FAM117B: variants seen among roughly 807,000 people sequenced by gnomAD.
FAM117B encodes protein FAM117B.
In FAM117B, 22 loss-of-function variants were observed where a neutral mutation model predicts 52.8. That is an observed-to-expected ratio of 0.42 (90% CI 0.30 to 0.59). The LOEUF (loss-of-function observed/expected upper bound fraction) is 0.59. FAM117B is among the 20% of genes least tolerant of loss of function. The probability of loss-of-function intolerance (pLI) is 0.22; values close to 1 mark genes in which losing one functional copy is unlikely to be tolerated. For missense variants in FAM117B, 678 were observed against 802.6 expected, an observed-to-expected ratio of 0.84 and a Z score of 1.88; for synonymous variants, 309 against 324.1, an observed-to-expected ratio of 0.95 and a Z score of 0.50.
chr2:202,749,315 A>G (rs1030385399), intron 4 of FAM117B, among the ~76,000 whole-genome samples: 1 of 152,162 alleles, frequency 6.6e-6, no homozygotes, highest in Non-Finnish European at 1.5e-5. Flanking sequence ...TGAAAAATTG[A>G]AAACTATTTG....
chr2:202,751,171 C>T (rs996437217), intron 4 of FAM117B, among the ~76,000 whole-genome samples: 3 of 152,140 alleles, frequency 2.0e-5, no homozygotes, highest in African/African-American at 7.2e-5. Flanking sequence ...TACAATTCAC[C>T]TAAAAATTGC....
chr2:202,761,844 G>A (rs886785274), intron 7 of FAM117B, among the ~76,000 whole-genome samples: 2 of 151,724 alleles, frequency 1.3e-5, no homozygotes, highest in African/African-American at 4.8e-5. Flanking sequence ...ATGTTTTATG[G>A]CACATTGATC....
intron 1 of FAM117B, among the ~76,000 whole-genome samples, chr2:202,684,998 T>G (rs545151090): frequency 1.3e-5 from 2 of 152,216 alleles, no homozygotes; most frequent in South Asian, 4.2e-4. Context: ...AAATTTTTTT[T>G]TTTTGAGAGA....
At chr2:202,710,818 C>G (rs1191114756) in intron 2 of FAM117B, among the ~76,000 whole-genome samples, 1 of 152,150 alleles carries the variant, frequency 6.6e-6, no homozygotes, top group East Asian at 1.9e-4. Flanking sequence ...CAAAGTTTGT[C>G]TTTCTCTGAC....
chr2:202,649,366 C>A (rs1689921957), intron 1 of FAM117B, among the ~76,000 whole-genome samples: 1 of 152,110 alleles, frequency 6.6e-6, no homozygotes, highest in South Asian at 2.1e-4. Flanking sequence ...TGTGCTAGAG[C>A]ACTGCTGTCT....
chr2:202,761,339 C>T (rs1282647303), intron 7 of FAM117B, among the ~76,000 whole-genome samples: 3 of 152,086 alleles, frequency 2.0e-5, no homozygotes, highest in Non-Finnish European at 4.4e-5. Context: ...TCCTGTGGTA[C>T]CTGCCTTAGA....
In FAM117B at chr2:202,694,266, C is replaced by T. The variant is rs191483333; in HGVS notation, c.602-1615C>T. On this transcript the variant is annotated intron_variant, in intron 1 of 7. Coordinates refer to ENST00000392238, the MANE Select transcript of FAM117B (RefSeq NM_173511.4). ...AGTGCAGTGGTGCGATCTTGGCTCA[C>T]TGCAACCTCCAACTCTAGGATTCAA... Among the ~76,000 whole-genome samples, 223 of 146,268 alleles carry T rather than the reference C, an allele frequency of 1.5e-3. 1 individual carries two copies. The highest frequency in any genetic ancestry group is 3.1e-3 in the Admixed American group (45 of 14,530).
At chr2:202,719,115 A>G (rs886302536) in intron 2 of FAM117B, among the ~76,000 whole-genome samples, 5 of 152,258 alleles carry the variant, frequency 3.3e-5, no homozygotes, top group Non-Finnish European at 7.3e-5. Context: ...TAAGTGTCCT[A>G]CAATCAAAGC....
At chr2:202,670,932 C>G (rs1442283267) in intron 1 of FAM117B, among the ~76,000 whole-genome samples, 1 of 152,148 alleles carries the variant, frequency 6.6e-6, no homozygotes, top group Admixed American at 6.5e-5. Flanking sequence ...AGTTTAATTC[C>G]TTGTATTTAA....
rs1690239526 is a variant in FAM117B, at chr2:202,668,264, G to T, written c.602-27617G>T. ...TTATATATTTAGATACATATATAAA[G>T]ATATAAAAATATTTATATATTAAAT... On this transcript the variant is annotated intron_variant, in intron 1 of 7. Coordinates refer to ENST00000392238, the MANE Select transcript of FAM117B (RefSeq NM_173511.4). Among the ~76,000 whole-genome samples the T allele has an allele frequency of 6.9e-5, 10 of 144,604 alleles. No homozygotes were observed. The South Asian group carries it at 2.1e-3, about 31-fold the overall frequency. The allele number at this position is 144,604 out of a possible 152,430, so 94.9% of individuals were successfully genotyped here.
chr2:202,747,988 A>G (rs1309808190), intron 4 of FAM117B, among the ~76,000 whole-genome samples: 3 of 152,186 alleles, frequency 2.0e-5, no homozygotes, highest in Non-Finnish European at 4.4e-5. Flanking sequence ...ATGGAACCAC[A>G]AAAGTCCCCA....
intron 1 of FAM117B, among the ~76,000 whole-genome samples, chr2:202,637,314 G>A (rs774780401): frequency 6.6e-6 from 1 of 152,086 alleles, no homozygotes. Context: ...CTGGAGTGCA[G>A]TTATGTGATC....
Position 202,759,368 on chromosome 2 carries a change from C to T in FAM117B, c.1451+15C>T. On this transcript the variant is annotated intron_variant, in intron 7 of 7. Transcript: ENST00000392238. ...GAGGAATGCTCGTAAGTATCCCTTC[C>T]ACCATCCCCACAAAAAAACTATTAT... is the stretch of plus-strand genomic sequence containing the variant. 1.9e-6 allele frequency: 3 copies of T among 1,590,660 alleles called. No homozygotes were observed. Among genetic ancestry groups the T allele is most frequent in the East Asian group, 2.2e-5 (1 of 44,762 alleles).
intron 4 of FAM117B, among the ~76,000 whole-genome samples, chr2:202,743,395 C>T (rs1691579514): frequency 6.6e-6 from 1 of 152,014 alleles, no homozygotes; most frequent in African/African-American, 2.4e-5. Context: ...AGGAAAAAGG[C>T]TTTCCCTATG....
rs1420546272 is a variant in FAM117B at position 202,765,772 on chromosome 2, T to A, written c.*8T>A. The A allele has an allele frequency of 1.9e-6, 3 of 1,611,286 alleles. No homozygotes were observed. The highest frequency in any genetic ancestry group is 1.3e-5 in the African/African-American group (1 of 74,980). ...GAGGAAGCTGAAGGATAGGTCACAG[T>A]GCAACGTGGCTGTTGTTCTGGGAAA... On this transcript the variant is annotated 3_prime_UTR_variant, in exon 8 of 8. Coordinates refer to ENST00000392238, the MANE Select transcript of FAM117B (RefSeq NM_173511.4).
At chr2:202,750,957 G>T (rs1352565128) in intron 4 of FAM117B, among the ~76,000 whole-genome samples, 1 of 152,060 alleles carries the variant, frequency 6.6e-6, no homozygotes, top group African/African-American at 2.4e-5. Flanking sequence ...TGAAACTTTT[G>T]TTCCAGTAGG....
intron 1 of FAM117B, among the ~76,000 whole-genome samples, chr2:202,685,916 G>A (rs1690531931): frequency 6.6e-6 from 1 of 152,162 alleles, no homozygotes; most frequent in South Asian, 2.1e-4. Context: ...ATTAACAGAA[G>A]TAGTCGATAA....
chr2:202,743,288 G>T (rs1691577783), intron 4 of FAM117B, among the ~76,000 whole-genome samples: 1 of 152,138 alleles, frequency 6.6e-6, no homozygotes, highest in African/African-American at 2.4e-5. Context: ...CACCACTGTT[G>T]CTGATTATGG....
chr2:202,635,130 G>A lies in FAM117B; in HGVS notation c.-58G>A. ...CTCCGGCCTCGAGAATCCTCCCCCT[G>A]CAGCCCAACAACAACAAAACCCCCC... On this transcript the variant is annotated 5_prime_UTR_variant, in exon 1 of 8. Coordinates refer to ENST00000392238, the MANE Select transcript of FAM117B (RefSeq NM_173511.4). The A allele has an allele frequency of 8.0e-7, 1 of 1,250,270 alleles. No homozygotes were observed. The highest frequency in any genetic ancestry group is 1.0e-6 in the Non-Finnish European group (1 of 996,846). 77.4% of individuals were successfully genotyped at this position (1,250,270 alleles called of 1,614,324 possible).
Sources: allele counts gnomAD v4.1 joint callset (sites outside exome capture counted in the v4.1 genomes callset), GRCh38; gene constraint gnomAD v4.1.1; transcripts MANE v1.5; gene names NCBI Gene and HGNC (gene_info 2026-07-23, HGNC 2026-07-21).